RALYL: variants seen among roughly 807,000 people sequenced by gnomAD.
The protein encoded by RALYL is RALY RNA binding protein like.
A neutral mutation model predicts 35.1 loss-of-function variants in RALYL; 29 were observed. The observed-to-expected ratio is 0.83, with a 90% CI of 0.61 to 1.13. The LOEUF (loss-of-function observed/expected upper bound fraction) is 1.13, where lower values mean the gene tolerates loss of function less well. Among genes scored for constraint, RALYL ranks in the 50% most tolerant of loss-of-function variants. RALYL has a pLI of 0.00. For synonymous variants in RALYL, 120 were observed against 127.6 expected (o/e 0.94, Z 0.40); for missense variants, 359 against 360.4 (o/e 1.00, Z 0.03).
intron 2 of RALYL, among the ~76,000 whole-genome samples, chr8:84,567,131 A>G (rs548753555): frequency 6.6e-6 from 1 of 151,884 alleles, no homozygotes; most frequent in East Asian, 1.9e-4. Flanking sequence ...ATAAATTCTG[A>G]TCATTAATCA....
intron 8 of RALYL, among the ~76,000 whole-genome samples, chr8:84,904,625 G>T (rs1382013889): frequency 6.6e-6 from 1 of 151,174 alleles, no homozygotes; most frequent in Admixed American, 6.6e-5. Context: ...TAGTTCACGG[G>T]TTGTCTAGTG....
intron 3 of RALYL, among the ~76,000 whole-genome samples, chr8:84,793,378 A>G (rs1181949828): frequency 6.6e-6 from 1 of 152,222 alleles, no homozygotes; most frequent in Non-Finnish European, 1.5e-5. Context: ...GAATTAATCA[A>G]TTGGGTCAAC....
intron 1 of RALYL, among the ~76,000 whole-genome samples, chr8:84,185,407 A>G (rs1025905126): frequency 1.3e-5 from 2 of 152,194 alleles, no homozygotes; most frequent in Non-Finnish European, 2.9e-5. Context: ...GACGTATTCA[A>G]TGTTGAATGT....
intron 1 of RALYL, among the ~76,000 whole-genome samples, chr8:84,503,220 T>A (rs2056858426): frequency 6.6e-6 from 1 of 151,964 alleles, no homozygotes; most frequent in South Asian, 2.1e-4. Context: ...GGATCATAGC[T>A]CGCTGCAGCC....
intron 1 of RALYL, among the ~76,000 whole-genome samples, chr8:84,389,114 G>T (rs1454949441): frequency 6.6e-5 from 10 of 152,046 alleles, no homozygotes; most frequent in Non-Finnish European, 1.3e-4. Context: ...TTTCCCCATT[G>T]CTTGTTTTTC....
chr8:84,831,416 C>A (rs961941901), intron 4 of RALYL, among the ~76,000 whole-genome samples: 1 of 151,652 alleles, frequency 6.6e-6, no homozygotes, highest in Non-Finnish European at 1.5e-5. Context: ...AAGACATCAA[C>A]AGAAAATTAT....
intron 4 of RALYL, among the ~76,000 whole-genome samples, chr8:84,812,516 C>T (rs1826142071): frequency 6.6e-6 from 1 of 152,124 alleles, no homozygotes; most frequent in Non-Finnish European, 1.5e-5. Flanking sequence ...CCTTTGTCTT[C>T]AGCTACCAGG....
At chr8:84,717,366 G>C (rs537422022) in intron 2 of RALYL, among the ~76,000 whole-genome samples, 25 of 152,250 alleles carry the variant, frequency 1.6e-4, no homozygotes, top group African/African-American at 6.0e-4. Context: ...ATAGTCATTT[G>C]TTTGGGGAAG....
At chr8:84,578,458 TTG>T (rs1810030094) in intron 2 of RALYL, among the ~76,000 whole-genome samples, 1 of 152,216 alleles carries the variant, frequency 6.6e-6, no homozygotes, top group Non-Finnish European at 1.5e-5. Context: ...TCAGCCCTGT[TTG>T]TGTTACAGCT....
At chr8:84,424,249 G>C (rs368968198) in intron 1 of RALYL, among the ~76,000 whole-genome samples, 67 of 147,934 alleles carry the variant, frequency 4.5e-4, no homozygotes, top group South Asian at 1.6e-3. Flanking sequence ...TTGCTCATTT[G>C]TTTTTATTCT....
intron 2 of RALYL, among the ~76,000 whole-genome samples, chr8:84,654,591 C>G (rs1457719050): frequency 6.6e-6 from 1 of 151,944 alleles, no homozygotes; most frequent in Non-Finnish European, 1.5e-5. Flanking sequence ...ACTGCTCTTT[C>G]CCTGCCTCTG....
chr8:84,726,654 A>ATTACTC (rs200326528), intron 2 of RALYL, among the ~76,000 whole-genome samples: 4,897 of 152,036 alleles, frequency 0.032, 115 homozygotes, highest in Non-Finnish European at 0.052. Context: ...GAGAGAATCT[A>ATTACTC]TTACTCTTAC....
intron 1 of RALYL, among the ~76,000 whole-genome samples, chr8:84,350,328 A>G (rs1345879148): frequency 6.6e-6 from 1 of 150,632 alleles, no homozygotes; most frequent in Non-Finnish European, 1.5e-5. Context: ...ACAGTTTGCT[A>G]TACTGCAAAA....
At chr8:84,267,585 AC>A (rs1195274796) in intron 1 of RALYL, among the ~76,000 whole-genome samples, 1 of 152,166 alleles carries the variant, frequency 6.6e-6, no homozygotes, top group Non-Finnish European at 1.5e-5. Context: ...TGCCTATGTT[AC>A]GCCATGTCTT....
At chr8:84,541,130 T>G (rs935069964) in intron 2 of RALYL, among the ~76,000 whole-genome samples, 1 of 151,930 alleles carries the variant, frequency 6.6e-6, no homozygotes, top group Non-Finnish European at 1.5e-5. Context: ...CCTTTTTTTT[T>G]TCTTCTACAC....
intron 2 of RALYL, among the ~76,000 whole-genome samples, chr8:84,684,908 A>T (rs1026668820): frequency 2.6e-5 from 4 of 152,150 alleles, no homozygotes; most frequent in Non-Finnish European, 4.4e-5. Context: ...AGGTAGAGAA[A>T]TCAATCATCC....
intron 1 of RALYL, among the ~76,000 whole-genome samples, chr8:84,362,681 C>T (rs1853303498): frequency 6.6e-6 from 1 of 152,102 alleles, no homozygotes; most frequent in African/African-American, 2.4e-5. Context: ...CAAAAATCAT[C>T]TCCCCAACCC....
chr8:84,742,711 TC>T, intron 2 of RALYL, among the ~76,000 whole-genome samples: 1 of 151,928 alleles, frequency 6.6e-6, no homozygotes, highest in East Asian at 1.9e-4. Context: ...TAATGGAACA[TC>T]CCCCAAGGGG....
intron 1 of RALYL, among the ~76,000 whole-genome samples, chr8:84,481,754 CTAAAACAG>C (rs2054065878): frequency 6.6e-6 from 1 of 151,986 alleles, no homozygotes; most frequent in Non-Finnish European, 1.5e-5. Flanking sequence ...GTATGAGTAT[CTAAAACAG>C]TAAAACTAAT....
Sources: allele counts gnomAD v4.1 joint callset (sites outside exome capture counted in the v4.1 genomes callset), GRCh38; gene constraint gnomAD v4.1.1; transcripts MANE v1.5; gene names NCBI Gene and HGNC (gene_info 2026-07-23, HGNC 2026-07-21).